TTLL1: variants seen among roughly 807,000 people sequenced by gnomAD.
TTLL1 encodes polyglutamylase complex subunit TTLL1.
Under a neutral mutation model 47.8 loss-of-function variants are expected in TTLL1, and 33 were observed. The observed-to-expected ratio is 0.69, with a 90% CI of 0.52 to 0.92. The LOEUF (loss-of-function observed/expected upper bound fraction) is 0.92, where lower values mean the gene tolerates loss of function less well. Among genes scored for constraint, TTLL1 ranks in the 40% least tolerant of loss-of-function variants. The pLI is 0.00. For synonymous variants in TTLL1, 225 were observed against 214.1 expected, an observed-to-expected ratio of 1.05 and a Z score of -0.45; for missense variants, 488 against 547.5, an observed-to-expected ratio of 0.89 and a Z score of 1.08.
intron 10 of TTLL1, among the ~76,000 whole-genome samples, chr22:43,041,640 A>G (rs1224265958): frequency 6.6e-6 from 1 of 150,640 alleles, no homozygotes; most frequent in African/African-American, 2.4e-5. Flanking sequence ...TCAGCCTCCC[A>G]AGTAGCTGGC....
At chr22:43,064,072 GC>G in intron 6 of TTLL1, 117 bp downstream of exon 6, 1 of 1,514,682 alleles carries the variant, frequency 6.6e-7, no homozygotes, top group Non-Finnish European at 9.0e-7. Flanking sequence ...CTCAATCCCT[GC>G]CCCGTGCCAG....
chr22:43,075,190 G>A lies in TTLL1; in HGVS notation c.113+284C>T, dbSNP rs142087830. ...GTCCTCTGGCCCAGCTATAACGCAC[G>A]CTCACTGGAAGGGGAGGGCTGAGGC... On this transcript the variant is annotated intron_variant, in intron 3 of 10. Transcript: ENST00000266254. Among the ~76,000 whole-genome samples the A allele has an allele frequency of 7.0e-4, 107 of 152,154 alleles. 1 individual carries two copies. Among genetic ancestry groups the A allele is most frequent in the East Asian group, 5.6e-3 (29 of 5,174 alleles).
At chr22:43,075,435 G>A (rs543640499) in intron 3 of TTLL1, 39 bp downstream of exon 3, 8 of 1,553,454 alleles carry the variant, frequency 5.1e-6, no homozygotes, top group African/African-American at 1.4e-5. Context: ...CGATACGTAA[G>A]CCTCAGAGAA....
intron 7 of TTLL1, among the ~76,000 whole-genome samples, chr22:43,061,910 TG>T (rs1243272016): frequency 3.3e-5 from 5 of 152,194 alleles, no homozygotes; most frequent in African/African-American, 4.8e-5. Context: ...CTCCAACCAC[TG>T]GATAAGGGGC....
At position 43,050,045 on chromosome 22, in the gene TTLL1, C is replaced by G. The variant is rs149751289; in HGVS notation, c.978+1756G>C. 6.2e-3 allele frequency among the ~76,000 whole-genome samples: 936 copies of G among 151,746 alleles called. 9 individuals are homozygous for G. The highest frequency in any genetic ancestry group is 0.021 in the African/African-American group (887 of 41,364). On this transcript the variant is annotated intron_variant, in intron 9 of 10. Coordinates refer to ENST00000266254, the MANE Select transcript of TTLL1 (RefSeq NM_012263.5). ...CCGGGAGGCGGGGGTTGCAGTGAGC[C>G]GAGATTGCGCCATTGCTCTCCAGCC...
At chr22:43,071,689 C>T (rs536452651) in intron 3 of TTLL1, among the ~76,000 whole-genome samples, 7 of 152,162 alleles carry the variant, frequency 4.6e-5, no homozygotes, top group Non-Finnish European at 1.0e-4. Flanking sequence ...GGATTGCAGG[C>T]GTGAGCCACC....
At chr22:43,051,745 G>A (rs1396614418) in intron 9 of TTLL1, 56 bp downstream of exon 9, 11 of 1,554,862 alleles carry the variant, frequency 7.1e-6, no homozygotes, top group Non-Finnish European at 9.8e-6. Flanking sequence ...AATCGGGGCA[G>A]AAGTGTGTTG....
At chr22:43,050,476 G>A (rs1006493483) in intron 9 of TTLL1, among the ~76,000 whole-genome samples, 4 of 151,010 alleles carry the variant, frequency 2.6e-5, no homozygotes, top group African/African-American at 7.3e-5. Context: ...AGGTCATCCA[G>A]GAGAGACTTC....
At chr22:43,057,356 C>T (rs1285483290) in intron 8 of TTLL1, among the ~76,000 whole-genome samples, 1 of 151,916 alleles carries the variant, frequency 6.6e-6, no homozygotes, top group Non-Finnish European at 1.5e-5. Context: ...AGTGATCCTC[C>T]ACCTCGGCGT....
At chr22:43,084,723 G>C (rs888692725) in intron 1 of TTLL1, among the ~76,000 whole-genome samples, 1 of 151,150 alleles carries the variant, frequency 6.6e-6, no homozygotes, top group Non-Finnish European at 1.5e-5. Context: ...GGATGGTCTC[G>C]ATCTCCTGAC....
At chr22:43,052,003 C>T (rs1337392609) in intron 8 of TTLL1, 116 bp from the exon 9 acceptor site, 5 of 850,544 alleles carry the variant, frequency 5.9e-6, no homozygotes, top group Admixed American at 3.8e-5. Flanking sequence ...GCACAGGTTC[C>T]CACCCTCCAC....
intron 7 of TTLL1, among the ~76,000 whole-genome samples, chr22:43,059,916 C>T (rs1927287915): frequency 1.3e-5 from 2 of 152,178 alleles, no homozygotes; most frequent in Admixed American, 6.6e-5. Flanking sequence ...TCTTGAACTC[C>T]TGGCCTCAAG....
chr22:43,068,624 G>A lies in TTLL1; in HGVS notation c.323-34C>T, dbSNP rs757909548. The A allele has an allele frequency of 4.3e-6, 6 of 1,408,838 alleles. No homozygotes were observed. The East Asian group carries it at 1.3e-4, about 30-fold the overall frequency. 87.3% of individuals were successfully genotyped at this position (1,408,838 alleles called of 1,614,324 possible). A position where few individuals can be genotyped will look rare whatever the true frequency, so the allele number is the denominator to read the frequency against. On this transcript the variant is annotated intron_variant, in intron 4 of 10. Coordinates refer to ENST00000266254, the MANE Select transcript of TTLL1 (RefSeq NM_012263.5). ...CAAAGACACCCAGCACTGGTAAGCAGCCAGCCCAACAGTGGCCATGAACAG... is the reference window on the plus strand; with the variant it reads ...CAAAGACACCCAGCACTGGTAAGCAACCAGCCCAACAGTGGCCATGAACAG...
At chr22:43,045,470 A>ATTTTTTTT (rs57003421) in intron 10 of TTLL1, among the ~76,000 whole-genome samples, 9 of 107,976 alleles carry the variant, frequency 8.3e-5, no homozygotes, top group Admixed American at 1.2e-4. Flanking sequence ...TATTATACCC[A>ATTTTTTTT]TTTTTTTTTT....
Position 43,068,471 on chromosome 22 carries a change from T to C in TTLL1, c.442A>G (p.Ile148Val). ...KPCGKAQGKG[I>V]FLINKLSQIK... ...TGTGAGAGCTTGTTGATAAGGAAGA[T>C]GCCCTTTCCCTGGGCCTTGCCACAA... Residue 148 changes from isoleucine to valine, a missense_variant, in exon 5 of 11, where the codon ATC (isoleucine) becomes GTC (valine). By Grantham distance (29) the Ile-to-Val change is conservative. Transcript: ENST00000266254. 1 of 1,573,422 alleles carries C rather than the reference T, an allele frequency of 6.4e-7. No homozygotes were observed. Among genetic ancestry groups the C allele is most frequent in the Non-Finnish European group, 8.7e-7 (1 of 1,149,256 alleles).
chr22:43,059,241 G>A lies in TTLL1; in HGVS notation c.891+143C>T, dbSNP rs1428537345. On this transcript the variant is annotated intron_variant, in intron 8 of 10. Transcript: ENST00000266254. Reference sequence around the variant, plus strand: ...ACTTCTGACCTCAGGTGATCCGCCCGCCTCGGCCTCCCAGCTTGCTGGGAT... The same window carrying A: ...ACTTCTGACCTCAGGTGATCCGCCCACCTCGGCCTCCCAGCTTGCTGGGAT... The A allele has an allele frequency of 2.6e-5, 31 of 1,190,894 alleles. No individual in the cohort carries two copies. In the African/African-American group the frequency reaches 3.7e-4, roughly 14 times the overall value. 73.8% of individuals were successfully genotyped at this position (1,190,894 alleles called of 1,614,324 possible).
At chr22:43,087,880 G>A (rs1176094298) in intron 1 of TTLL1, among the ~76,000 whole-genome samples, 1 of 148,698 alleles carries the variant, frequency 6.7e-6, no homozygotes, top group African/African-American at 2.5e-5. Context: ...AGGCACAGTG[G>A]CTCACGCTTG....
chr22:43,044,366 A>G (rs1415289176), intron 10 of TTLL1, among the ~76,000 whole-genome samples: 3 of 152,134 alleles, frequency 2.0e-5, no homozygotes, highest in Non-Finnish European at 4.4e-5. Context: ...CTCCTGTTCC[A>G]GACAATGAGC....
At position 43,059,497 on chromosome 22, in the gene TTLL1, A is replaced by T; in HGVS notation, c.778T>A (p.Trp260Arg). The T allele has an allele frequency of 6.2e-7, 1 of 1,613,646 alleles. No homozygotes were observed. Among genetic ancestry groups the T allele is most frequent in the Non-Finnish European group, 8.5e-7 (1 of 1,179,812 alleles). The change falls in exon 8 of 11, where the codon TGG (tryptophan) becomes AGG (arginine). Residue 260 changes from tryptophan to arginine, a missense_variant. Trp to Arg is a moderately radical substitution (Grantham distance 101). Coordinates refer to ENST00000266254, the MANE Select transcript of TTLL1 (RefSeq NM_012263.5). Reference sequence around the variant, plus strand: ...TAGAGCCGCAGGTTACTCACTGTCCACTTGCCCCCATGGATGTGGTTGTAG... The same window carrying T: ...TAGAGCCGCAGGTTACTCACTGTCCTCTTGCCCCCATGGATGTGGTTGTAG... ...EDYNHIHGGK[W>R]TVSNLRLYLE...
Sources: allele counts gnomAD v4.1 joint callset (sites outside exome capture counted in the v4.1 genomes callset), GRCh38; gene constraint gnomAD v4.1.1; transcripts MANE v1.5; gene names NCBI Gene and HGNC (gene_info 2026-07-23, HGNC 2026-07-21).